MARCHF6: variants seen among roughly 807,000 people sequenced by gnomAD.
MARCHF6 encodes E3 ubiquitin-protein ligase MARCHF6.
A neutral mutation model predicts 133.7 loss-of-function variants in MARCHF6; 31 were observed. The ratio of observed to expected loss-of-function variants is 0.23; its 90% confidence interval spans 0.17 to 0.31. MARCHF6 has a LOEUF of 0.31. MARCHF6 is among the 10% of genes least tolerant of loss of function. The pLI is 1.00. For synonymous variants in MARCHF6, 395 were observed against 402.5 expected, an observed-to-expected ratio of 0.98 and a Z score of 0.22; for missense variants, 723 against 1,121.6, an observed-to-expected ratio of 0.64 and a Z score of 5.08.
At chr5:10,356,430 C>G (rs904095695) in intron 1 of MARCHF6, among the ~76,000 whole-genome samples, 3 of 134,608 alleles carry the variant, frequency 2.2e-5, no homozygotes, top group Admixed American at 7.8e-5. Context: ...GAGTCTTGCC[C>G]TGTTGCCCAG....
chr5:10,428,270 C>A (rs1172306858), intron 24 of MARCHF6, among the ~76,000 whole-genome samples: 1 of 151,490 alleles, frequency 6.6e-6, no homozygotes, highest in Non-Finnish European at 1.5e-5. Flanking sequence ...ATCATAAATA[C>A]CATATTAAAA....
intron 1 of MARCHF6, among the ~76,000 whole-genome samples, chr5:10,365,675 A>G (rs376587619): frequency 1.1e-4 from 17 of 152,338 alleles, no homozygotes; most frequent in African/African-American, 3.8e-4. Context: ...CTCACCCTCA[A>G]AAAGGAAATA....
intron 22 of MARCHF6, among the ~76,000 whole-genome samples, chr5:10,423,027 G>A (rs1020086539): frequency 6.7e-6 from 1 of 149,942 alleles, no homozygotes; most frequent in South Asian, 2.1e-4. Context: ...ACCGTTTTTT[G>A]TTGTTGTTGT....
intron 4 of MARCHF6, among the ~76,000 whole-genome samples, chr5:10,383,673 A>C (rs927320999): frequency 2.6e-5 from 4 of 152,216 alleles, no homozygotes; most frequent in Non-Finnish European, 5.9e-5. Flanking sequence ...TACTACCTTA[A>C]ACCTTTTTGA....
intron 6 of MARCHF6, among the ~76,000 whole-genome samples, chr5:10,390,811 G>GC (rs774526414): frequency 3.9e-5 from 6 of 152,102 alleles, no homozygotes; most frequent in Non-Finnish European, 7.4e-5. Flanking sequence ...TGATGACAGA[G>GC]CATGTATGTA....
intron 18 of MARCHF6, among the ~76,000 whole-genome samples, chr5:10,410,682 T>C (rs1739177117): frequency 1.3e-5 from 2 of 152,196 alleles, no homozygotes; most frequent in African/African-American, 2.4e-5. Context: ...TGCATTTTTT[T>C]CCCCAAGCTT....
rs879060052 is a variant in MARCHF6 at position 10,415,385 on chromosome 5, G to A, written c.1967-103G>A. 9 of 1,037,260 alleles carry A rather than the reference G, an allele frequency of 8.7e-6. No individual in the cohort carries two copies. The South Asian group carries it at 1.2e-4, about 14-fold the overall frequency. 64.3% of individuals were successfully genotyped at this position (1,037,260 alleles called of 1,614,324 possible). ...TGATGAAGACATTGATATATCGAAT[G>A]TGATATCTTTTTCCTAATGTGAAAA... On this transcript the variant is annotated intron_variant, in intron 20 of 25. Coordinates refer to ENST00000274140, the MANE Select transcript of MARCHF6 (RefSeq NM_005885.4).
chr5:10,386,930 T>C (rs973408015), intron 4 of MARCHF6, 64 bp from the exon 5 acceptor site: 25 of 1,232,518 alleles, frequency 2.0e-5, no homozygotes, highest in South Asian at 3.6e-5. Context: ...TCTGCTTTCT[T>C]GAGCAGCTAT....
At chr5:10,432,070 C>T (rs1274424279) in intron 25 of MARCHF6, among the ~76,000 whole-genome samples, 7 of 152,120 alleles carry the variant, frequency 4.6e-5, no homozygotes, top group Non-Finnish European at 8.8e-5. Context: ...GTAAGATTAG[C>T]GTACTTTTAA....
At chr5:10,364,237 G>A (rs765157497) in intron 1 of MARCHF6, among the ~76,000 whole-genome samples, 24 of 152,182 alleles carry the variant, frequency 1.6e-4, no homozygotes, top group Non-Finnish European at 2.6e-4. Context: ...TATACTGCTG[G>A]TGGGAGTGTA....
chr5:10,407,245 A>G (rs766696516), intron 17 of MARCHF6, 43 bp downstream of exon 17: 4 of 1,039,780 alleles, frequency 3.8e-6, no homozygotes, highest in Admixed American at 4.1e-5. Context: ...ATTTATCTCT[A>G]TTAGGGATTT....
rs1322385614 is a variant in MARCHF6 at position 10,439,598 on chromosome 5, C to A, written c.*5914C>A. On this transcript the variant is annotated 3_prime_UTR_variant, in exon 26 of 26. Transcript: ENST00000274140. ...AAGTCTCAAAACTGAACAAGTAAAC[C>A]CATTGTTTACTTAATCGCTGTTTCT... 1.3e-5 allele frequency: 2 copies of A among 152,216 alleles called. No homozygotes were observed. Among genetic ancestry groups the A allele is most frequent in the African/African-American group, 2.4e-5 (1 of 41,528 alleles). The allele number at this position is 152,216 out of a possible 1,614,324, so 9.4% of individuals were successfully genotyped here.
At chr5:10,389,010 A>C (rs1382998952) in intron 5 of MARCHF6, among the ~76,000 whole-genome samples, 5 of 152,150 alleles carry the variant, frequency 3.3e-5, no homozygotes, top group Non-Finnish European at 4.4e-5. Flanking sequence ...TTGATTCAGG[A>C]CATATTGCAG....
At chr5:10,425,527 G>C (rs1740037342) in intron 23 of MARCHF6, among the ~76,000 whole-genome samples, 1 of 152,192 alleles carries the variant, frequency 6.6e-6, no homozygotes, top group Non-Finnish European at 1.5e-5. Flanking sequence ...GAAACACTGG[G>C]ATGCCTTGCT....
At chr5:10,411,104 C>T (rs1337655470) in intron 18 of MARCHF6, among the ~76,000 whole-genome samples, 2 of 151,930 alleles carry the variant, frequency 1.3e-5, no homozygotes, top group Non-Finnish European at 2.9e-5. Context: ...CTGAAGAAAA[C>T]GTAAAATAGG....
chr5:10,413,307 C>T (rs540250643), intron 19 of MARCHF6: 1 of 152,384 alleles, frequency 6.6e-6, no homozygotes, highest in East Asian at 1.9e-4. Context: ...CAGTTACTTT[C>T]TGGCCAGATC....
chr5:10,417,065 GA>G (rs919242991), intron 21 of MARCHF6, among the ~76,000 whole-genome samples: 2 of 152,240 alleles, frequency 1.3e-5, no homozygotes, highest in Admixed American at 1.3e-4. Flanking sequence ...TGGATTGTGA[GA>G]AAAAAACAGC....
At chr5:10,402,730 G>T in intron 14 of MARCHF6, 123 bp downstream of exon 14, 1 of 896,512 alleles carries the variant, frequency 1.1e-6, no homozygotes, top group South Asian at 1.5e-5. Flanking sequence ...CTTTTGGCAT[G>T]TGTATCAGTA....
At chr5:10,364,835 C>T (rs1736038232) in intron 1 of MARCHF6, among the ~76,000 whole-genome samples, 1 of 152,182 alleles carries the variant, frequency 6.6e-6, no homozygotes. Context: ...TGGAGTTTCG[C>T]TCTTGTCGCC....
Sources: allele counts gnomAD v4.1 joint callset (sites outside exome capture counted in the v4.1 genomes callset), GRCh38; gene constraint gnomAD v4.1.1; transcripts MANE v1.5; gene names NCBI Gene and HGNC (gene_info 2026-07-23, HGNC 2026-07-21).